The following PTPRD variants were observed in gnomAD, a reference collection of about 807,000 sequenced individuals.
PTPRD encodes protein tyrosine phosphatase receptor type D.
A neutral mutation model predicts 214.5 loss-of-function variants in PTPRD; 34 were observed. The ratio of observed to expected loss-of-function variants is 0.16; its 90% confidence interval spans 0.12 to 0.21. The LOEUF (loss-of-function observed/expected upper bound fraction) is 0.21, where lower values mean the gene tolerates loss of function less well. Among genes scored for constraint, PTPRD ranks in the 10% least tolerant of loss-of-function variants. PTPRD has a pLI of 1.00. For synonymous variants in PTPRD, 1,128 were observed against 845.7 expected, an observed-to-expected ratio of 1.33 and a Z score of -5.79; for missense variants, 2,545 against 2,398.7, an observed-to-expected ratio of 1.06 and a Z score of -1.27.
chr9:8,728,664 T>A (rs1044502600), intron 12 of PTPRD, among the ~76,000 whole-genome samples: 4 of 152,220 alleles, frequency 2.6e-5, no homozygotes, highest in Non-Finnish European at 4.4e-5. Flanking sequence ...GCTTTCAACA[T>A]CATCATTTTC....
At chr9:10,050,594 T>TAAAAAAAA (rs2097517407) in intron 3 of PTPRD, among the ~76,000 whole-genome samples, 1 of 83,082 alleles carries the variant, frequency 1.2e-5, no homozygotes, top group Non-Finnish European at 2.3e-5. Context: ...AAAAAAAGAC[T>TAAAAAAAA]ATGTCAATTT....
At chr9:8,887,177 G>T (rs776125138) in intron 11 of PTPRD, among the ~76,000 whole-genome samples, 9 of 152,144 alleles carry the variant, frequency 5.9e-5, no homozygotes, top group African/African-American at 9.7e-5. Context: ...AGGTTTGTCA[G>T]ACTCCATAAC....
At chr9:8,994,071 G>A (rs187678863) in intron 11 of PTPRD, among the ~76,000 whole-genome samples, 2 of 152,184 alleles carry the variant, frequency 1.3e-5, no homozygotes, top group African/African-American at 4.8e-5. Flanking sequence ...ACACTTTGAA[G>A]AATACATAAG....
At chr9:9,082,155 C>CA (rs2099760171) in intron 10 of PTPRD, among the ~76,000 whole-genome samples, 1 of 151,812 alleles carries the variant, frequency 6.6e-6, no homozygotes. Context: ...AGAGACACAA[C>CA]AAAAAAAGAA....
At chr9:8,555,517 C>T (rs966191013) in intron 14 of PTPRD, among the ~76,000 whole-genome samples, 2 of 152,236 alleles carry the variant, frequency 1.3e-5, no homozygotes, top group African/African-American at 4.8e-5. Context: ...ATGTGTATTT[C>T]CCCATGGGTA....
chr9:8,604,761 G>C (rs1463880778), intron 14 of PTPRD, among the ~76,000 whole-genome samples: 2 of 152,152 alleles, frequency 1.3e-5, no homozygotes, highest in Non-Finnish European at 2.9e-5. Context: ...GAGGAAAAGA[G>C]AAATCAAGTA....
chr9:9,205,868 G>A (rs1041057838), intron 9 of PTPRD, among the ~76,000 whole-genome samples: 2 of 152,116 alleles, frequency 1.3e-5, no homozygotes, highest in Admixed American at 1.3e-4. Context: ...GGTGGAAGAA[G>A]GACGCAATGA....
At chr9:9,916,699 A>C (rs1393090305) in intron 5 of PTPRD, among the ~76,000 whole-genome samples, 1 of 152,040 alleles carries the variant, frequency 6.6e-6, no homozygotes, top group Non-Finnish European at 1.5e-5. Context: ...AAAAACAAAG[A>C]AACATCAGAT....
intron 12 of PTPRD, among the ~76,000 whole-genome samples, chr9:8,699,772 GAA>G (rs35735101): frequency 1.5e-5 from 2 of 133,510 alleles, no homozygotes; most frequent in African/African-American, 5.4e-5. Flanking sequence ...ACGCCCAAAA[GAA>G]AAAAAAAAAA....
At chr9:9,848,095 G>A (rs1161617263) in intron 5 of PTPRD, among the ~76,000 whole-genome samples, 2 of 152,048 alleles carry the variant, frequency 1.3e-5, no homozygotes, top group Non-Finnish European at 2.9e-5. Context: ...CTGGAAAGGG[G>A]GAAATCTTTA....
chr9:9,626,054 C>T (rs2095416168), intron 7 of PTPRD, among the ~76,000 whole-genome samples: 1 of 152,110 alleles, frequency 6.6e-6, no homozygotes, highest in Admixed American at 6.6e-5. Context: ...TACAACTGGA[C>T]TTTACTTGCA....
intron 37 of PTPRD, among the ~76,000 whole-genome samples, chr9:8,385,307 G>A (rs1162944448): frequency 1.3e-5 from 2 of 152,152 alleles, no homozygotes. Flanking sequence ...TGGAAGGACT[G>A]CTTCAGGCCA....
At chr9:10,442,799 G>C (rs570022024) in intron 2 of PTPRD, among the ~76,000 whole-genome samples, 50 of 151,458 alleles carry the variant, frequency 3.3e-4, no homozygotes, top group African/African-American at 1.2e-3. Flanking sequence ...GTAGTATTAT[G>C]GTCCTATTTT....
intron 12 of PTPRD, among the ~76,000 whole-genome samples, chr9:8,656,900 T>C (rs970772818): frequency 3.9e-5 from 6 of 152,166 alleles, no homozygotes. Context: ...ACAAGAAAAC[T>C]GGAACACCCT....
chr9:9,969,891 T>C (rs2094968801), intron 4 of PTPRD, among the ~76,000 whole-genome samples: 1 of 152,194 alleles, frequency 6.6e-6, no homozygotes, highest in Non-Finnish European at 1.5e-5. Context: ...GTATACATTT[T>C]TCTCCTGGCC....
intron 44 of PTPRD, among the ~76,000 whole-genome samples, chr9:8,328,724 T>C (rs1379476260): frequency 1.3e-5 from 2 of 152,108 alleles, no homozygotes. Flanking sequence ...GCTTTGTTCA[T>C]TTCTTTTTAC....
At chr9:8,554,997 A>C (rs2083308159) in intron 14 of PTPRD, among the ~76,000 whole-genome samples, 1 of 152,188 alleles carries the variant, frequency 6.6e-6, no homozygotes, top group Admixed American at 6.5e-5. Flanking sequence ...CACTATATAT[A>C]TAAAAAATTG....
At chr9:9,812,700 A>G (rs770177636) in intron 5 of PTPRD, among the ~76,000 whole-genome samples, 9 of 152,184 alleles carry the variant, frequency 5.9e-5, no homozygotes, top group Non-Finnish European at 1.3e-4. Flanking sequence ...GAAAAATAGT[A>G]AGGGATTTCA....
intron 7 of PTPRD, among the ~76,000 whole-genome samples, chr9:9,607,474 C>T (rs965405599): frequency 2.6e-5 from 4 of 152,012 alleles, no homozygotes; most frequent in African/African-American, 9.7e-5. Context: ...TAGCTGAAAA[C>T]CAAATAGCTA....
Sources: gnomAD v4.1 joint callset for allele counts (sites outside exome capture counted in the v4.1 genomes callset) on GRCh38, gnomAD v4.1.1 for gene constraint, MANE v1.5 for transcripts, NCBI Gene and HGNC (gene_info 2026-07-23, HGNC 2026-07-21) for gene names.